The following OSBPL10 variants were observed in gnomAD, a reference collection of about 807,000 sequenced individuals.
The protein encoded by OSBPL10 is oxysterol binding protein like 10.
A neutral mutation model predicts 81.7 loss-of-function variants in OSBPL10; 49 were observed. The observed-to-expected ratio is 0.60, with a 90% CI of 0.48 to 0.76. The LOEUF (loss-of-function observed/expected upper bound fraction) is 0.76. Among genes scored for constraint, OSBPL10 ranks in the 30% least tolerant of loss-of-function variants. The probability of loss-of-function intolerance (pLI) is 0.00; values close to 1 mark genes in which losing one functional copy is unlikely to be tolerated. For missense variants in OSBPL10, 923 were observed against 987.8 expected (o/e 0.93, Z 0.88); for synonymous variants, 419 against 383.6 (o/e 1.09, Z -1.08).
At chr3:31,718,116 TTTCTTC>T (rs200287618) in intron 6 of OSBPL10, 1 of 151,940 alleles carries the variant, frequency 6.6e-6, no homozygotes. Context: ...AGAATTTCCA[TTTCTTC>T]TTCTTCTTTT....
At chr3:31,695,763 C>T (rs1445060110) in intron 7 of OSBPL10, among the ~76,000 whole-genome samples, 2 of 152,214 alleles carry the variant, frequency 1.3e-5, no homozygotes, top group East Asian at 1.9e-4. Flanking sequence ...TCTACTTGTT[C>T]CCTGTCTTCT....
At position 31,730,969 on chromosome 3, in the gene OSBPL10, C is replaced by T. The variant is rs377148273; in HGVS notation, c.1095+2288G>A. ...CTAGATCAAAAGCATTAAGGACCTG[C>T]TCATAAGGCATTCTTAACCTTTAGG... On this transcript the variant is annotated intron_variant, in intron 6 of 11. Coordinates refer to ENST00000396556, the MANE Select transcript of OSBPL10 (RefSeq NM_017784.5). Among the ~76,000 whole-genome samples the T allele has an allele frequency of 2.2e-3, 332 of 152,298 alleles. 1 individual carries two copies. Among genetic ancestry groups the T allele is most frequent in the African/African-American group, 7.7e-3 (319 of 41,564 alleles).
Position 31,938,639 on chromosome 3 carries a change from G to C in OSBPL10, c.281+42260C>G, listed in dbSNP as rs780318355. Reference sequence around the variant, plus strand: ...TCCTCCCACCTCAGCCTACCACGTAGCTGGGACTACAGGCACACGCCAACT... The same window carrying C: ...TCCTCCCACCTCAGCCTACCACGTACCTGGGACTACAGGCACACGCCAACT... On this transcript the variant is annotated intron_variant, in intron 1 of 11. Coordinates refer to ENST00000396556, the MANE Select transcript of OSBPL10 (RefSeq NM_017784.5). Among the ~76,000 whole-genome samples the C allele has an allele frequency of 6.4e-4, 98 of 152,218 alleles. No homozygotes were observed. The Middle Eastern group carries it at 0.014, about 21-fold the overall frequency.
chr3:31,939,508 T>C (rs1697478874), intron 1 of OSBPL10, among the ~76,000 whole-genome samples: 1 of 151,378 alleles, frequency 6.6e-6, no homozygotes, highest in Non-Finnish European at 1.5e-5. Context: ...GCTCCAACTA[T>C]GACCTCTTCT....
At chr3:31,733,232 T>G in intron 6 of OSBPL10, 25 bp downstream of exon 6, 2 of 1,606,974 alleles carry the variant, frequency 1.2e-6, no homozygotes, top group South Asian at 2.2e-5. Context: ...AAGCCATGAA[T>G]GCACTGAGAG....
At chr3:31,977,933 C>A (rs541705448) in intron 1 of OSBPL10, among the ~76,000 whole-genome samples, 3 of 152,190 alleles carry the variant, frequency 2.0e-5, no homozygotes, top group Admixed American at 6.5e-5. Flanking sequence ...GAGTTGAGCA[C>A]GTTCCCATCA....
chr3:31,992,432 T>A (rs1699044126), intron 2 of OSBPL10, among the ~76,000 whole-genome samples: 1 of 152,174 alleles, frequency 6.6e-6, no homozygotes, highest in African/African-American at 2.4e-5. Context: ...AAAATCAAGG[T>A]ATCAGTAGAG....
chr3:31,826,241 A>G (rs1700098099), intron 4 of OSBPL10, among the ~76,000 whole-genome samples: 1 of 152,206 alleles, frequency 6.6e-6, no homozygotes, highest in South Asian at 2.1e-4. Context: ...AGCACAGTCA[A>G]CATTTCTTAA....
intron 4 of OSBPL10, among the ~76,000 whole-genome samples, chr3:31,783,104 ATATC>A (rs1361330132): frequency 4.1e-4 from 54 of 130,182 alleles, no homozygotes; most frequent in African/African-American, 1.6e-3. Flanking sequence ...CTATATCAAT[ATATC>A]TATTATATAT....
intron 1 of OSBPL10, among the ~76,000 whole-genome samples, chr3:32,053,957 G>A (rs992285643): frequency 2.6e-5 from 4 of 152,168 alleles, no homozygotes; most frequent in African/African-American, 4.8e-5. Context: ...AACAGGGCAA[G>A]ACTCCATCTC....
At chr3:31,820,559 C>T (rs1291259826) in intron 4 of OSBPL10, among the ~76,000 whole-genome samples, 2 of 151,628 alleles carry the variant, frequency 1.3e-5, no homozygotes, top group East Asian at 1.9e-4. Context: ...CACGCCACTG[C>T]ACTCCAGCCT....
At chr3:32,000,593 C>T (rs1025222718) in intron 2 of OSBPL10, among the ~76,000 whole-genome samples, 2 of 152,178 alleles carry the variant, frequency 1.3e-5, no homozygotes, top group African/African-American at 2.4e-5. Flanking sequence ...AACATCTGTG[C>T]GAAATTGCGG....
intron 4 of OSBPL10, among the ~76,000 whole-genome samples, chr3:31,753,641 AG>A (rs1391412912): frequency 6.6e-6 from 1 of 152,204 alleles, no homozygotes; most frequent in African/African-American, 2.4e-5. Context: ...GATTCATTAC[AG>A]GAACTTCCCC....
intron 1 of OSBPL10, among the ~76,000 whole-genome samples, chr3:32,067,715 T>G (rs1340084635): frequency 6.6e-6 from 1 of 152,064 alleles, no homozygotes; most frequent in Non-Finnish European, 1.5e-5. Flanking sequence ...CTCCCCACCC[T>G]TGAGAATGTA....
chr3:31,670,764 G>T, intron 9 of OSBPL10, 33 bp downstream of exon 9: 1 of 1,586,192 alleles, frequency 6.3e-7, no homozygotes, highest in South Asian at 1.2e-5. Context: ...ATCTTGTTAA[G>T]ACAAAGCCAG....
At chr3:31,688,740 C>T (rs574204124) in intron 7 of OSBPL10, among the ~76,000 whole-genome samples, 32 of 152,204 alleles carry the variant, frequency 2.1e-4, no homozygotes, top group Non-Finnish European at 4.0e-4. Flanking sequence ...TGAGAATATT[C>T]ACATACATAC....
chr3:31,679,738 A>G (rs1700587082), intron 8 of OSBPL10, among the ~76,000 whole-genome samples: 1 of 152,212 alleles, frequency 6.6e-6, no homozygotes, highest in Non-Finnish European at 1.5e-5. Context: ...TTTGTTTTTA[A>G]GAAAAGGAAA....
chr3:31,780,514 C>G (rs931673674), intron 4 of OSBPL10, among the ~76,000 whole-genome samples: 1 of 145,098 alleles, frequency 6.9e-6, no homozygotes, highest in Non-Finnish European at 1.5e-5. Context: ...AAAAAATAAA[C>G]AAAAAGCTAG....
chr3:31,870,022 A>G (rs1298072807), intron 3 of OSBPL10, among the ~76,000 whole-genome samples: 2 of 152,168 alleles, frequency 1.3e-5, no homozygotes, highest in Admixed American at 6.5e-5. Flanking sequence ...CTTTGGTGGC[A>G]CTTGAGGAGC....
Sources: gnomAD v4.1 joint callset for allele counts (sites outside exome capture counted in the v4.1 genomes callset) on GRCh38, gnomAD v4.1.1 for gene constraint, MANE v1.5 for transcripts, NCBI Gene and HGNC (gene_info 2026-07-23, HGNC 2026-07-21) for gene names.